Variants in SH3D19 observed in about 807,000 individuals in gnomAD.
SH3D19 encodes SH3 domain-containing protein 19.
Under a neutral mutation model 112.1 loss-of-function variants are expected in SH3D19, and 58 were observed. The ratio of observed to expected loss-of-function variants is 0.52; its 90% CI spans 0.42 to 0.64. SH3D19 has a LOEUF of 0.64. Among genes scored for constraint, SH3D19 ranks in the 30% least tolerant of loss-of-function variants. The probability of loss-of-function intolerance (pLI) is 0.00; values close to 1 mark genes in which losing one functional copy is unlikely to be tolerated. For synonymous variants in SH3D19, 391 were observed against 448.5 expected, an observed-to-expected ratio of 0.87 and a Z score of 1.62; for missense variants, 1,090 against 1,263.4, an observed-to-expected ratio of 0.86 and a Z score of 2.08.
intron 13 of SH3D19, 23 bp from the exon 14 acceptor site, chr4:151,137,885 T>C (rs1752181690): frequency 1.9e-6 from 3 of 1,571,648 alleles, no homozygotes; most frequent in South Asian, 1.2e-5. Flanking sequence ...ATTATAGTTA[T>C]GTATGATGAA....
At chr4:151,163,422 A>G (rs1757475865) in intron 8 of SH3D19, among the ~76,000 whole-genome samples, 1 of 152,146 alleles carries the variant, frequency 6.6e-6, no homozygotes, top group South Asian at 2.1e-4. Context: ...AACCCAGGCA[A>G]AATTTCTTAT....
chr4:151,247,028 T>G (rs1415137750), intron 1 of SH3D19, among the ~76,000 whole-genome samples: 1 of 152,228 alleles, frequency 6.6e-6, no homozygotes, highest in East Asian at 1.9e-4. Flanking sequence ...GCTCCAGAGC[T>G]GAAACTCTTT....
rs765469472 is a variant in SH3D19, at chr4:151,127,597, T to A, written c.3027+21A>T. Reference sequence around the variant, plus strand: ...AAAATTATAGTGCTTAATGCAGTTATGAAGAGATACACATTCTGACCTTGA... The same window carrying A: ...AAAATTATAGTGCTTAATGCAGTTAAGAAGAGATACACATTCTGACCTTGA... On this transcript the variant is annotated intron_variant, in intron 19 of 19. Transcript: ENST00000604030. 4.8e-6 allele frequency: 7 copies of A among 1,447,584 alleles called. No homozygotes were observed. In the African/African-American group the frequency reaches 1.0e-4, roughly 21 times the overall value. 89.7% of individuals were successfully genotyped at this position (1,447,584 alleles called of 1,614,324 possible). A position where few individuals can be genotyped will look rare whatever the true frequency, so the allele number is the denominator to read the frequency against.
At chr4:151,311,544 G>A (rs895564890) in intron 1 of SH3D19, among the ~76,000 whole-genome samples, 2 of 152,082 alleles carry the variant, frequency 1.3e-5, no homozygotes, top group African/African-American at 4.8e-5. Flanking sequence ...CAAACTCATG[G>A]AAGCAGAGAA....
intron 1 of SH3D19, among the ~76,000 whole-genome samples, chr4:151,320,815 G>A (rs1158755251): frequency 2.6e-5 from 4 of 152,120 alleles, no homozygotes; most frequent in African/African-American, 9.7e-5. Flanking sequence ...CAAGGCAGGC[G>A]GGTCACCTGA....
intron 1 of SH3D19, among the ~76,000 whole-genome samples, chr4:151,286,195 A>AAC (rs1177072974): frequency 6.7e-6 from 1 of 149,918 alleles, no homozygotes; most frequent in Admixed American, 6.6e-5. Flanking sequence ...AAAAAAAAAA[A>AAC]AAAAAAAAAC....
intron 1 of SH3D19, among the ~76,000 whole-genome samples, chr4:151,285,548 T>C (rs968587412): frequency 6.6e-5 from 10 of 152,222 alleles, no homozygotes; most frequent in African/African-American, 2.4e-4. Flanking sequence ...TCAAATCTTA[T>C]GGAAGCAGCT....
intron 17 of SH3D19, among the ~76,000 whole-genome samples, chr4:151,130,392 C>T (rs545825220): frequency 2.6e-5 from 4 of 151,922 alleles, no homozygotes; most frequent in African/African-American, 7.2e-5. Context: ...GCTGAGACCT[C>T]GACACTGCAC....
chr4:151,150,208 T>TAA (rs1754713896), intron 9 of SH3D19, among the ~76,000 whole-genome samples: 3 of 22,686 alleles, frequency 1.3e-4, no homozygotes, highest in Non-Finnish European at 2.9e-4. Flanking sequence ...AAAAAAAAAA[T>TAA]ATATATATAT....
Position 151,126,805 on chromosome 4 carries a change from A to G in SH3D19, c.3027+813T>C, listed in dbSNP as rs28553382. On this transcript the variant is annotated intron_variant, in intron 19 of 19. Transcript: ENST00000604030. ...AGAGCGAGACTCTGTCTCAAAAAAGAAAAAAAAAAAAAAGAAAAGAAAATA... is the reference window on the plus strand; with the variant it reads ...AGAGCGAGACTCTGTCTCAAAAAAGGAAAAAAAAAAAAAGAAAAGAAAATA... Among the ~76,000 whole-genome samples the G allele has an allele frequency of 1.8e-3, 250 of 141,626 alleles. 1 individual carries two copies. The highest frequency in any genetic ancestry group is 6.3e-3 in the African/African-American group (246 of 38,990). The allele number at this position is 141,626 out of a possible 152,430, so 92.9% of individuals were successfully genotyped here.
chr4:151,183,400 G>A (rs1162604159), intron 3 of SH3D19, among the ~76,000 whole-genome samples: 2 of 152,094 alleles, frequency 1.3e-5, no homozygotes, highest in Non-Finnish European at 2.9e-5. Context: ...GAATCTTCTC[G>A]AATTCCAGCA....
At chr4:151,125,504 A>G (rs906158746) in intron 19 of SH3D19, among the ~76,000 whole-genome samples, 16 of 151,110 alleles carry the variant, frequency 1.1e-4, no homozygotes, top group African/African-American at 3.9e-4. Flanking sequence ...AAAAAAAAAA[A>G]AAAGAAAGAA....
At chr4:151,268,943 TG>T (rs1333862370) in intron 1 of SH3D19, among the ~76,000 whole-genome samples, 2 of 152,232 alleles carry the variant, frequency 1.3e-5, no homozygotes, top group Non-Finnish European at 2.9e-5. Flanking sequence ...TATAGTCCTT[TG>T]GGTATATACC....
chr4:151,271,756 A>G (rs1357333340), intron 1 of SH3D19, among the ~76,000 whole-genome samples: 2 of 152,240 alleles, frequency 1.3e-5, no homozygotes, highest in African/African-American at 4.8e-5. Context: ...CAATAATAAA[A>G]ATAACAGCTG....
intron 11 of SH3D19, among the ~76,000 whole-genome samples, chr4:151,145,337 C>T (rs140702800): frequency 2.9e-4 from 44 of 152,296 alleles, no homozygotes; most frequent in African/African-American, 1.0e-3. Context: ...CCTGAAGCAG[C>T]TGAAGAACCA....
rs1197967202 is a variant in SH3D19, at chr4:151,202,012, C to CA, written c.153-14550dup. 1.7e-3 allele frequency among the ~76,000 whole-genome samples: 163 copies of CA among 95,142 alleles called. 1 individual carries two copies. The highest frequency in any genetic ancestry group is 2.7e-3 in the Admixed American group (24 of 8,752). 62.4% of individuals were successfully genotyped at this position (95,142 alleles called of 152,430 possible). A position where few individuals can be genotyped will look rare whatever the true frequency, so the allele number is the denominator to read the frequency against. ...GGGCGGTAAGAGCAAAACTCCATCT[C>CA]AAAAAAAAAAAAAAGAAAGAAAATA... On this transcript the variant is annotated intron_variant, in intron 2 of 19. Coordinates refer to ENST00000604030, the MANE Select transcript of SH3D19 (RefSeq NM_001378122.1).
At chr4:151,244,724 C>A (rs534847449) in intron 1 of SH3D19, among the ~76,000 whole-genome samples, 21 of 152,312 alleles carry the variant, frequency 1.4e-4, no homozygotes, top group African/African-American at 4.8e-4. Context: ...TTAATCTGTA[C>A]ATAAAACATG....
chr4:151,144,546 G>A (rs1346200894), intron 11 of SH3D19: 1 of 464,842 alleles, frequency 2.2e-6, no homozygotes, highest in Non-Finnish European at 3.9e-6. Flanking sequence ...CCATAACCAG[G>A]AAGTTCTGTT....
In SH3D19 at chr4:151,178,024, C is replaced by T. The variant is rs1403750761; in HGVS notation, c.237-1069G>A. Reference sequence around the variant, plus strand: ...GCTCACTGCAGCCTCGAGCTCCCCGCCCCTCAGCTTCCTGAGTAGCTGGGA... The same window carrying T: ...GCTCACTGCAGCCTCGAGCTCCCCGTCCCTCAGCTTCCTGAGTAGCTGGGA... On this transcript the variant is annotated intron_variant, in intron 4 of 19. Coordinates refer to ENST00000604030, the MANE Select transcript of SH3D19 (RefSeq NM_001378122.1). 2.0e-5 allele frequency among the ~76,000 whole-genome samples: 3 copies of T among 152,166 alleles called. No homozygotes were observed. The East Asian group carries it at 5.8e-4, about 29-fold the overall frequency.
Sources: gnomAD v4.1 joint callset for allele counts (sites outside exome capture counted in the v4.1 genomes callset) on GRCh38, gnomAD v4.1.1 for gene constraint, MANE v1.5 for transcripts, NCBI Gene and HGNC (gene_info 2026-07-23, HGNC 2026-07-21) for gene names.